Variants in CRACDL observed in about 807,000 individuals in gnomAD.
The protein encoded by CRACDL is CRACD-like protein.
In CRACDL, 26 loss-of-function variants were observed where a neutral mutation model predicts 70.6. The ratio of observed to expected loss-of-function variants is 0.37; its 90% CI spans 0.27 to 0.51. CRACDL has a LOEUF of 0.51. Among genes scored for constraint, CRACDL ranks in the 20% least tolerant of loss-of-function variants. CRACDL has a pLI of 0.94. For missense variants in CRACDL, 1,283 were observed against 1,376.9 expected, an observed-to-expected ratio of 0.93 and a Z score of 1.08; for synonymous variants, 618 against 615.2, an observed-to-expected ratio of 1.00 and a Z score of -0.07.
At position 98,846,237 on chromosome 2, in the gene CRACDL, T is replaced by G. The variant is rs919772008; in HGVS notation, c.70+494A>C. 9.2e-5 allele frequency among the ~76,000 whole-genome samples: 14 copies of G among 152,282 alleles called. No individual in the cohort carries two copies. In the East Asian group the frequency reaches 2.7e-3, roughly 29 times the overall value. ...GAAAGTCTTATGAGATGGTGATTCA[T>G]GGGCCTAGAACTCAGCTCAGCAGAC... On this transcript the variant is annotated intron_variant, in intron 2 of 9. Transcript: ENST00000397899.
intron 3 of CRACDL, among the ~76,000 whole-genome samples, chr2:98,834,746 T>C (rs893585977): frequency 2.0e-5 from 3 of 152,196 alleles, no homozygotes; most frequent in African/African-American, 7.2e-5. Flanking sequence ...TCTCTAAAAC[T>C]AGAAAACAAA....
intron 1 of CRACDL, among the ~76,000 whole-genome samples, chr2:98,862,955 T>A (rs1233255774): frequency 6.6e-6 from 1 of 152,142 alleles, no homozygotes; most frequent in Non-Finnish European, 1.5e-5. Context: ...CATACATATA[T>A]CTATATATAC....
At chr2:98,898,477 C>A (rs954647200) in intron 1 of CRACDL, among the ~76,000 whole-genome samples, 2 of 152,248 alleles carry the variant, frequency 1.3e-5, no homozygotes, top group Non-Finnish European at 2.9e-5. Flanking sequence ...GCATCACAGT[C>A]AGGTAGGGCA....
In CRACDL at chr2:98,884,103, G is replaced by A. The variant is rs186068202; in HGVS notation, c.-10-37293C>T. The stretch of plus-strand genomic sequence containing the variant: ...AGGTGCCCCACCCACCTGGAGATAC[G>A]GGCCAGTAGAGGGCATGAGGGGGGC... On this transcript the variant is annotated intron_variant, in intron 1 of 9. Coordinates refer to ENST00000397899, the MANE Select transcript of CRACDL (RefSeq NM_207362.3). Among the ~76,000 whole-genome samples, 88 of 152,298 alleles carry A rather than the reference G, an allele frequency of 5.8e-4. 1 individual carries two copies. The East Asian group carries it at 9.3e-3, about 16-fold the overall frequency.
At chr2:98,814,325 T>C (rs370504865) in intron 7 of CRACDL, among the ~76,000 whole-genome samples, 3 of 152,180 alleles carry the variant, frequency 2.0e-5, no homozygotes, top group Non-Finnish European at 4.4e-5. Context: ...CCAGTTTATC[T>C]GCATTCCACA....
At chr2:98,804,071 C>T (rs1457370485) in intron 7 of CRACDL, among the ~76,000 whole-genome samples, 1 of 152,206 alleles carries the variant, frequency 6.6e-6, no homozygotes, top group Non-Finnish European at 1.5e-5. Context: ...CTGATCAATA[C>T]ATGCTGGCAA....
intron 1 of CRACDL, among the ~76,000 whole-genome samples, chr2:98,898,437 C>T (rs964507849): frequency 2.6e-5 from 4 of 152,222 alleles, no homozygotes; most frequent in Non-Finnish European, 5.9e-5. Context: ...GTTCAAAAAA[C>T]GGAGGGCCAG....
intron 1 of CRACDL, among the ~76,000 whole-genome samples, chr2:98,891,400 A>AAAAAAAAAAAAAAAAAAC (rs1386150613): frequency 6.8e-6 from 1 of 147,378 alleles, no homozygotes; most frequent in Non-Finnish European, 1.5e-5. Flanking sequence ...AAAAAAAAAA[A>AAAAAAAAAAAAAAAAAAC]AAAAATCCAA....
chr2:98,841,749 A>G (rs992267884), intron 2 of CRACDL, among the ~76,000 whole-genome samples: 5 of 152,180 alleles, frequency 3.3e-5, no homozygotes, highest in Non-Finnish European at 5.9e-5. Flanking sequence ...TTTCCTAGGT[A>G]TAACGTTCTA....
intron 1 of CRACDL, among the ~76,000 whole-genome samples, chr2:98,919,284 T>C (rs2104689919): frequency 6.6e-6 from 1 of 152,366 alleles, no homozygotes; most frequent in East Asian, 1.9e-4. Flanking sequence ...TTGTTCTTTT[T>C]GCTTAAGACT....
chr2:98,911,548 A>C (rs1708549030), intron 1 of CRACDL, among the ~76,000 whole-genome samples: 1 of 152,172 alleles, frequency 6.6e-6, no homozygotes, highest in African/African-American at 2.4e-5. Context: ...AAGATCAAAG[A>C]GAAGGACCAG....
At chr2:98,893,887 C>A (rs545479234) in intron 1 of CRACDL, among the ~76,000 whole-genome samples, 1 of 152,224 alleles carries the variant, frequency 6.6e-6, no homozygotes, top group East Asian at 1.9e-4. Context: ...CACACGAACG[C>A]CCGTGCACCA....
At chr2:98,926,883 T>C (rs1000007486) in intron 1 of CRACDL, among the ~76,000 whole-genome samples, 2 of 152,196 alleles carry the variant, frequency 1.3e-5, no homozygotes, top group African/African-American at 4.8e-5. Context: ...AGAGCGAAGA[T>C]TCTCCAATGT....
intron 1 of CRACDL, among the ~76,000 whole-genome samples, chr2:98,878,069 C>A (rs1707535399): frequency 6.6e-6 from 1 of 151,822 alleles, no homozygotes; most frequent in Admixed American, 6.6e-5. Flanking sequence ...GCCTCAGCCT[C>A]CGAAGTAGCT....
In CRACDL at chr2:98,822,927, T is replaced by C. The variant is rs1705141050; in HGVS notation, c.1346A>G (p.Glu449Gly). The part of the protein sequence containing the change: ...AEPTPPVLPD[E>G]EKGPPGPAPE... ...CGCCGGCCCTGGGGGCCCCTTCTCC[T>C]CATCCGGGAGCACGGGCGGCGTCGG... Residue 449 changes from glutamate to glycine, a missense_variant, in exon 7 of 10, where the codon GAG becomes GGG. Transcript: ENST00000397899. The surrounding 1 kb of genome is among the most constrained non-coding windows in gnomAD (Gnocchi z 4.9). The C allele has an allele frequency of 6.8e-7, 1 of 1,466,558 alleles. No individual in the cohort carries two copies. The highest frequency in any genetic ancestry group is 1.4e-5 in the South Asian group (1 of 72,984). 90.8% of individuals were successfully genotyped at this position (1,466,558 alleles called of 1,614,324 possible).
intron 1 of CRACDL, among the ~76,000 whole-genome samples, chr2:98,873,976 A>G (rs1350251400): frequency 6.6e-6 from 1 of 152,252 alleles, no homozygotes; most frequent in East Asian, 1.9e-4. Flanking sequence ...ACTGCACTCC[A>G]GCCTGGGTGA....
intron 1 of CRACDL, among the ~76,000 whole-genome samples, chr2:98,909,826 G>A (rs17022063): frequency 0.065 from 9,858 of 152,258 alleles, 731 homozygotes; most frequent in South Asian, 0.19. Flanking sequence ...CCTGTCTCGA[G>A]GTACAAAGCC....
chr2:98,795,265 G>A (rs902295603), intron 9 of CRACDL, among the ~76,000 whole-genome samples: 3 of 151,022 alleles, frequency 2.0e-5, no homozygotes, highest in African/African-American at 4.9e-5. Context: ...TAGTAGAGAC[G>A]GGGTTTTGCC....
intron 2 of CRACDL, among the ~76,000 whole-genome samples, chr2:98,838,904 C>T (rs935789616): frequency 6.6e-6 from 1 of 152,154 alleles, no homozygotes; most frequent in Non-Finnish European, 1.5e-5. Context: ...TTAGAATTCA[C>T]CACACTTTTC....
Sources: gnomAD v4.1 joint callset for allele counts (sites outside exome capture counted in the v4.1 genomes callset) on GRCh38, gnomAD v4.1.1 for gene constraint, Gnocchi (gnomAD v3.1) non-coding constraint, MANE v1.5 for transcripts, NCBI Gene and HGNC (gene_info 2026-07-23, HGNC 2026-07-21) for gene names.